The following KDM1A variants were observed in gnomAD, a reference collection of about 807,000 sequenced individuals.
KDM1A encodes the protein lysine demethylase 1A, also known as lysine-specific histone demethylase 1A.
Under a neutral mutation model 109.4 loss-of-function variants are expected in KDM1A, and 49 were observed. The observed-to-expected ratio is 0.45, with a 90% CI of 0.36 to 0.57. The LOEUF (loss-of-function observed/expected upper bound fraction) is 0.57. Ranked by LOEUF, KDM1A falls within the 20% of genes least tolerant of loss-of-function variation. The probability of loss-of-function intolerance (pLI) is 0.00; values close to 1 mark genes in which losing one functional copy is unlikely to be tolerated. For synonymous variants in KDM1A, 380 were observed against 415.4 expected, an observed-to-expected ratio of 0.91 and a Z score of 1.04; for missense variants, 668 against 1,116.6, an observed-to-expected ratio of 0.60 and a Z score of 5.73.
At chr1:23,080,995 A>C (rs987913553) in intron 18 of KDM1A, 1 of 156,794 alleles carries the variant, frequency 6.4e-6, no homozygotes, top group African/African-American at 2.4e-5. Context: ...AGTCTGTTGC[A>C]TAATTACTCA....
At chr1:23,035,875 G>GA (rs1211529179) in intron 2 of KDM1A, among the ~76,000 whole-genome samples, 2 of 152,082 alleles carry the variant, frequency 1.3e-5, no homozygotes, top group African/African-American at 2.4e-5. Flanking sequence ...AATTTGATCA[G>GA]AAAAGAGTTG....
intron 4 of KDM1A, among the ~76,000 whole-genome samples, chr1:23,051,396 ACACTTTT>A (rs1388135648): frequency 1.3e-5 from 2 of 152,202 alleles, no homozygotes; most frequent in African/African-American, 4.8e-5. Flanking sequence ...AGGGTTATGA[ACACTTTT>A]AAATGTTTTG....
At chr1:23,066,133 T>A (rs1643154225) in intron 10 of KDM1A, 62 bp downstream of exon 10, 2 of 1,140,970 alleles carry the variant, frequency 1.8e-6, no homozygotes, top group Non-Finnish European at 2.6e-6. Context: ...CATTAAAAGC[T>A]TGAAACCTAA....
In KDM1A at chr1:23,044,461, A is replaced by T. The variant is rs1362422441; in HGVS notation, c.552A>T (p.Gly184=). The stretch of plus-strand genomic sequence containing the variant: ...GAGGACTTCAAGACGACAGTTCTGG[A>T]GGGTATGGAGACGGCCAAGCATCAG... ...QAGGLQDDSS[G]GYGDGQASGV... Residue 184 remains glycine (G), a synonymous_variant, in exon 3 of 21, where the codon GGA becomes GGT. Transcript: ENST00000400181. The T allele has an allele frequency of 1.9e-6, 3 of 1,612,566 alleles. No homozygotes were observed. Among genetic ancestry groups the T allele is most frequent in the Non-Finnish European group, 2.5e-6 (3 of 1,179,668 alleles).
At chr1:23,048,047 T>C (rs1374867076) in intron 3 of KDM1A, among the ~76,000 whole-genome samples, 1 of 152,128 alleles carries the variant, frequency 6.6e-6, no homozygotes, top group African/African-American at 2.4e-5. Flanking sequence ...GTATAGAAGA[T>C]AACATAGCTA....
chr1:23,029,503 C>G (rs1272192044), intron 1 of KDM1A, among the ~76,000 whole-genome samples: 1 of 152,222 alleles, frequency 6.6e-6, no homozygotes, highest in East Asian at 1.9e-4. Flanking sequence ...ACTCCTTTAC[C>G]CTCAATGACA....
At chr1:23,065,206 A>G (rs555318558) in intron 9 of KDM1A, among the ~76,000 whole-genome samples, 22 of 152,274 alleles carry the variant, frequency 1.4e-4, no homozygotes, top group African/African-American at 5.1e-4. Flanking sequence ...TTGTTCCATA[A>G]TAATTTGTAG....
At chr1:23,031,195 C>T (rs1299136681) in intron 2 of KDM1A, among the ~76,000 whole-genome samples, 4 of 152,176 alleles carry the variant, frequency 2.6e-5, no homozygotes, top group African/African-American at 9.7e-5. Flanking sequence ...GAGCTTCAAA[C>T]AGCTTTAAAG....
In KDM1A at chr1:23,030,581, C is replaced by T. The variant is rs1314051265; in HGVS notation, c.464C>T (p.Pro155Leu). ...AEKEKKLPPPPPQAPPEEENE... is the reference protein window; with the variant it reads ...AEKEKKLPPPLPQAPPEEENE... ...AAGGAAAAGAAGCTTCCCCCACCAC[C>T]CCCTCAAGCCCCACCTGAGGAAGAA... The change falls in exon 2 of 21, where the codon CCC becomes CTC. Residue 155 changes from proline to leucine, a missense_variant. Pro to Leu is a moderately conservative substitution (Grantham distance 98, BLOSUM62 -3). Coordinates refer to ENST00000400181, the MANE Select transcript of KDM1A (RefSeq NM_001009999.3). The T allele has an allele frequency of 6.2e-7, 1 of 1,606,868 alleles. No individual in the cohort carries two copies.
chr1:23,081,744 C>CTT, intron 19 of KDM1A, 171 bp downstream of exon 19: 2 of 739,040 alleles, frequency 2.7e-6, no homozygotes, highest in Non-Finnish European at 4.2e-6. Context: ...TTCAGAAAAC[C>CTT]CCCCAGGACA....
At chr1:23,068,442 A>G (rs1427753595) in intron 10 of KDM1A, 97 bp from the exon 11 acceptor site, 13 of 980,444 alleles carry the variant, frequency 1.3e-5, no homozygotes, top group East Asian at 5.6e-5. Flanking sequence ...TTTGAGATAC[A>G]TATTTTGACC....
rs1006361029 is a variant in KDM1A, at chr1:23,030,414, C to T, written c.352-55C>T. The T allele has an allele frequency of 2.3e-5, 30 of 1,284,868 alleles. 1 individual carries two copies. Among genetic ancestry groups the T allele is most frequent in the East Asian group, 2.6e-5 (1 of 38,334 alleles). The allele number at this position is 1,284,868 out of a possible 1,614,324, so 79.6% of individuals were successfully genotyped here. On this transcript the variant is annotated intron_variant, in intron 1 of 20. Transcript: ENST00000400181. ...ATTGACTGATGGTTCCAAATAGAGT[C>T]CCTAATTTTAAATGTTCACTGCATT...
rs987042315 is a variant in KDM1A, at chr1:23,057,501, A to G, written c.1008A>G (p.Arg336=). 12 of 1,613,872 alleles carry G rather than the reference A, an allele frequency of 7.4e-6. No individual in the cohort carries two copies. Among genetic ancestry groups the G allele is most frequent in the Non-Finnish European group, 1.0e-5 (12 of 1,179,844 alleles). The change falls in exon 8 of 21, where the codon CGA becomes CGG. Residue 336 remains arginine, a synonymous_variant. Coordinates refer to ENST00000400181, the MANE Select transcript of KDM1A (RefSeq NM_001009999.3). ...TGAAACAGGATCGTGTGGGTGGACGAGTTGCCACATTTCGCAAAGGAAACT... is the reference window on the plus strand; with the variant it reads ...TGAAACAGGATCGTGTGGGTGGACGGGTTGCCACATTTCGCAAAGGAAACT... ...LLEARDRVGG[R]VATFRKGNYV...
intron 2 of KDM1A, among the ~76,000 whole-genome samples, chr1:23,042,440 ATTTTTTTTTTTTTT>A (rs769149894): frequency 4.6e-5 from 1 of 21,560 alleles, no homozygotes; most frequent in Admixed American, 6.0e-4. Context: ...GAAATATATT[ATTTTTTTTTTTTTT>A]TTTTTTTTTT....
Position 23,083,409 on chromosome 1 carries a change from C to T in KDM1A, c.*45C>T. ...AAGAGGCCCATGTGCCTGTTTCTGC[C>T]ATGTAAGGAAGGCTCTTCTAGCAAT... On this transcript the variant is annotated 3_prime_UTR_variant, in exon 21 of 21. Coordinates refer to ENST00000400181, the MANE Select transcript of KDM1A (RefSeq NM_001009999.3). 1 of 1,556,894 alleles carries T rather than the reference C, an allele frequency of 6.4e-7. No homozygotes were observed. Among genetic ancestry groups the T allele is most frequent in the East Asian group, 2.3e-5 (1 of 44,212 alleles).
At chr1:23,050,561 GTA>G (rs1557544897) in intron 4 of KDM1A, 41 bp downstream of exon 4, 1 of 1,522,102 alleles carries the variant, frequency 6.6e-7, no homozygotes, top group East Asian at 2.3e-5. Flanking sequence ...ATTATAAAAA[GTA>G]TATATGGCTT....
intron 9 of KDM1A, among the ~76,000 whole-genome samples, chr1:23,062,955 T>G: frequency 6.6e-6 from 1 of 152,170 alleles, no homozygotes. Context: ...TCATCAGTAA[T>G]AGCTTTAATT....
chr1:23,081,419 C>G (rs1398421870), intron 18 of KDM1A, 27 bp from the exon 19 acceptor site: 1 of 1,613,058 alleles, frequency 6.2e-7, no homozygotes, highest in African/African-American at 1.3e-5. Context: ...TAGGAAAACC[C>G]TAGAATTATC....
chr1:23,022,648 CTTTTTTTTTTTT>C (rs58124287), intron 1 of KDM1A, among the ~76,000 whole-genome samples: 1 of 36,814 alleles, frequency 2.7e-5, no homozygotes, highest in African/African-American at 1.1e-4. Flanking sequence ...CCTTCTTCTT[CTTTTTTTTTTTT>C]TTTTTTTTTT....
Sources: allele counts gnomAD v4.1 joint callset (sites outside exome capture counted in the v4.1 genomes callset), GRCh38; gene constraint gnomAD v4.1.1; transcripts MANE v1.5; gene names NCBI Gene and HGNC (gene_info 2026-07-23, HGNC 2026-07-21).